The following DAB2IP variants were observed in gnomAD, a reference collection of about 807,000 sequenced individuals.
The protein encoded by DAB2IP is DAB2 interacting protein.
DAB2IP carries 28 observed loss-of-function variants against 107.2 expected under a neutral mutation model. That is an observed-to-expected ratio of 0.26 (90% CI 0.19 to 0.36). The LOEUF is 0.36. Among genes scored for constraint, DAB2IP ranks in the 10% least tolerant of loss-of-function variants. DAB2IP has a pLI of 1.00. For synonymous variants in DAB2IP, 755 were observed against 706.4 expected, an observed-to-expected ratio of 1.07 and a Z score of -1.09; for missense variants, 1,400 against 1,644.7, an observed-to-expected ratio of 0.85 and a Z score of 2.57.
chr9:121,643,104 C>A (rs1832419609), intron 1 of DAB2IP, among the ~76,000 whole-genome samples: 1 of 152,004 alleles, frequency 6.6e-6, no homozygotes, highest in Non-Finnish European at 1.5e-5. Flanking sequence ...CTCAAGAAAG[C>A]CACTAGAAAG....
chr9:121,771,913 C>T (rs915542259), intron 11 of DAB2IP, among the ~76,000 whole-genome samples: 1 of 152,076 alleles, frequency 6.6e-6, no homozygotes, highest in Non-Finnish European at 1.5e-5. Flanking sequence ...CCCCTGGACC[C>T]CGCCACAGTT....
In DAB2IP at chr9:121,760,456, C is replaced by T. The variant is rs902772522; in HGVS notation, c.1170+17C>T. Reference sequence around the variant, plus strand: ...AAGGTGAAGGTGCGTGCAGGCCCCTCGGCTCCTGACACAGGCTGGGCGGCA... The same window carrying T: ...AAGGTGAAGGTGCGTGCAGGCCCCTTGGCTCCTGACACAGGCTGGGCGGCA... On this transcript the variant is annotated intron_variant, in intron 6 of 15. Coordinates refer to ENST00000408936, the Ensembl canonical transcript of DAB2IP. This position sits in a 1 kb window ranked among gnomAD's most constrained non-coding sequence, Gnocchi z 5.9. 12 of 1,567,056 alleles carry T rather than the reference C, an allele frequency of 7.7e-6. No individual in the cohort carries two copies. The African/African-American group carries it at 8.1e-5, about 11-fold the overall frequency.
intron 2 of DAB2IP, among the ~76,000 whole-genome samples, chr9:121,693,482 G>A (rs1829265336): frequency 1.3e-5 from 2 of 152,214 alleles, no homozygotes; most frequent in South Asian, 2.1e-4. Context: ...TTTGGCATTC[G>A]GGCAAAGCCC....
At chr9:121,763,983 A>G in intron 8 of DAB2IP, 104 bp downstream of exon 8, 1 of 1,503,004 alleles carries the variant, frequency 6.7e-7, no homozygotes, top group South Asian at 1.3e-5. Context: ...CCTGAGTTGT[A>G]CTGACTTGCC....
At chr9:121,709,955 C>G (rs1419004610) in intron 3 of DAB2IP, among the ~76,000 whole-genome samples, 1 of 152,148 alleles carries the variant, frequency 6.6e-6, no homozygotes, top group East Asian at 1.9e-4. Flanking sequence ...CCAGGCCCTG[C>G]TCTCTACACT....
chr9:121,609,954 G>A lies in DAB2IP; in HGVS notation c.40+42726G>A, dbSNP rs889566171. Among the ~76,000 whole-genome samples, 13 of 152,342 alleles carry A rather than the reference G, an allele frequency of 8.5e-5. No individual in the cohort carries two copies. In the South Asian group the frequency reaches 1.2e-3, roughly 15 times the overall value. On this transcript the variant is annotated intron_variant, in intron 1 of 16. Transcript: ENST00000259371. ...CAGGTTCCCAGAGAGGGCTCCTGGC[G>A]TCGGTGTGGCTTAGTCACAGGGATG...
At chr9:121,770,787 G>C (rs1202505313) in intron 11 of DAB2IP, 63 bp downstream of exon 11, 2 of 1,576,394 alleles carry the variant, frequency 1.3e-6, no homozygotes, top group Non-Finnish European at 1.7e-6. Flanking sequence ...CAGCCCATCT[G>C]TAATCTCAGA....
chr9:121,760,415 C>T lies in DAB2IP; in HGVS notation c.1146C>T (p.Ile382=), dbSNP rs1486645446. 1 of 1,604,828 alleles carries T rather than the reference C, an allele frequency of 6.2e-7. No homozygotes were observed. Among genetic ancestry groups the T allele is most frequent in the Admixed American group, 1.7e-5 (1 of 59,884 alleles). ...AGATGGCATCTGCCCTGGTGCACAT[C>T]CTGCAGAGCACGGGCAAGGTGAAGG... Residue 382 remains isoleucine, a synonymous_variant, in exon 6 of 16, where the codon ATC becomes ATT. Transcript: ENST00000408936. The surrounding 1 kb of genome is among the most constrained non-coding windows in gnomAD (Gnocchi z 5.9).
chr9:121,734,103 C>T (rs945063818), intron 3 of DAB2IP, among the ~76,000 whole-genome samples: 6 of 151,292 alleles, frequency 4.0e-5, no homozygotes, highest in Middle Eastern at 3.4e-3. Context: ...CTGGGCCGGG[C>T]GCGGTGGCTC....
chr9:121,616,507 C>A (rs369648815), intron 1 of DAB2IP, among the ~76,000 whole-genome samples: 1 of 152,126 alleles, frequency 6.6e-6, no homozygotes, highest in Non-Finnish European at 1.5e-5. Context: ...TGGCGGCTAG[C>A]GGCTCTGCTG....
intron 1 of DAB2IP, among the ~76,000 whole-genome samples, chr9:121,654,599 C>T (rs1162135548): frequency 6.6e-6 from 1 of 152,134 alleles, no homozygotes; most frequent in Non-Finnish European, 1.5e-5. Flanking sequence ...CCACTAAAGC[C>T]TCAGACGCCT....
chr9:121,773,623 A>G, intron 12 of DAB2IP, 128 bp downstream of exon 12: 1 of 1,191,086 alleles, frequency 8.4e-7, no homozygotes, highest in Non-Finnish European at 1.1e-6. Context: ...CCATCCCACC[A>G]GCCTGCCACA....
intron 10 of DAB2IP, among the ~76,000 whole-genome samples, chr9:121,769,444 G>C (rs1215912758): frequency 2.0e-5 from 3 of 152,258 alleles, no homozygotes; most frequent in Non-Finnish European, 4.4e-5. Context: ...GTATGCTGCT[G>C]TGTGCATTTC....
rs570377053 is a variant in DAB2IP at position 121,574,642 on chromosome 9, C to G, written c.40+7414C>G. Reference sequence around the variant, plus strand: ...AAATCAAGGCTTAGAAGGGCCCTGCCACACAGCGAGTGAGGAACACTTGTG... The same window carrying G: ...AAATCAAGGCTTAGAAGGGCCCTGCGACACAGCGAGTGAGGAACACTTGTG... On this transcript the variant is annotated intron_variant, in intron 1 of 16. Coordinates refer to the DAB2IP transcript ENST00000259371. Among the ~76,000 whole-genome samples the G allele has an allele frequency of 2.1e-4, 32 of 152,268 alleles. 1 individual carries two copies. The South Asian group carries it at 6.6e-3, about 32-fold the overall frequency.
At chr9:121,572,483 T>G (rs138339433) in intron 1 of DAB2IP, among the ~76,000 whole-genome samples, 1 of 152,290 alleles carries the variant, frequency 6.6e-6, no homozygotes, top group African/African-American at 2.4e-5. Context: ...GCCCTTAACT[T>G]GCTCCGCATC....
intron 1 of DAB2IP, among the ~76,000 whole-genome samples, chr9:121,626,799 A>C (rs75935166): frequency 6.6e-6 from 1 of 152,162 alleles, no homozygotes. Flanking sequence ...ACGAAGGCAC[A>C]GGAAGATTCA....
At chr9:121,730,419 T>C (rs1043051236) in intron 3 of DAB2IP, among the ~76,000 whole-genome samples, 1 of 152,238 alleles carries the variant, frequency 6.6e-6, no homozygotes, top group African/African-American at 2.4e-5. Context: ...TCACCAATTA[T>C]AGCTCCATAT....
intron 3 of DAB2IP, among the ~76,000 whole-genome samples, chr9:121,710,067 A>G (rs1830264410): frequency 6.6e-6 from 1 of 151,866 alleles, no homozygotes; most frequent in Non-Finnish European, 1.5e-5. Context: ...ATGGCCAGAA[A>G]TGGCAGAGCT....
intron 3 of DAB2IP, among the ~76,000 whole-genome samples, chr9:121,713,750 A>C (rs1319587828): frequency 2.0e-5 from 3 of 152,182 alleles, no homozygotes; most frequent in African/African-American, 7.2e-5. Context: ...ATGTGACTTC[A>C]GGACTCAGGC....
Sources: allele counts gnomAD v4.1 joint callset (sites outside exome capture counted in the v4.1 genomes callset), GRCh38; gene constraint gnomAD v4.1.1; non-coding constraint Gnocchi (gnomAD v3.1); transcripts MANE v1.5; gene names NCBI Gene and HGNC (gene_info 2026-07-23, HGNC 2026-07-21).